Variants in FLRT2 observed in about 807,000 individuals in gnomAD.
The protein encoded by FLRT2 is fibronectin leucine rich transmembrane protein 2, also known as leucine-rich repeat transmembrane protein FLRT2.
A neutral mutation model predicts 40.0 loss-of-function variants in FLRT2; 15 were observed. The ratio of observed to expected loss-of-function variants is 0.38; its 90% CI spans 0.25 to 0.58. The LOEUF (loss-of-function observed/expected upper bound fraction) is 0.58, where lower values mean the gene tolerates loss of function less well. Ranked by LOEUF, FLRT2 falls within the 20% of genes least tolerant of loss-of-function variation. FLRT2 has a pLI of 0.71. For synonymous variants in FLRT2, 380 were observed against 336.8 expected (o/e 1.13, Z -1.41); for missense variants, 726 against 840.0 (o/e 0.86, Z 1.68).
intron 1 of FLRT2, among the ~76,000 whole-genome samples, chr14:85,558,461 A>G (rs1890110067): frequency 6.6e-6 from 1 of 152,218 alleles, no homozygotes; most frequent in Non-Finnish European, 1.5e-5. Flanking sequence ...ATGTTCCTGG[A>G]TAAATGTCGA....
intron 1 of FLRT2, among the ~76,000 whole-genome samples, chr14:85,606,580 G>C (rs576327049): frequency 1.4e-5 from 2 of 144,614 alleles, no homozygotes; most frequent in Non-Finnish European, 3.0e-5. Flanking sequence ...ACTGGAGTGC[G>C]GTGGTGCGAT....
At chr14:85,573,223 A>G (rs950739251) in intron 1 of FLRT2, among the ~76,000 whole-genome samples, 2 of 151,956 alleles carry the variant, frequency 1.3e-5, no homozygotes, top group Admixed American at 1.3e-4. Flanking sequence ...CTGCTAAGAG[A>G]GGGAGACCCT....
intron 1 of FLRT2, among the ~76,000 whole-genome samples, chr14:85,592,551 G>A (rs1891938693): frequency 6.6e-6 from 1 of 152,066 alleles, no homozygotes; most frequent in Non-Finnish European, 1.5e-5. Context: ...CACTTTGGGA[G>A]GCCAAGGTGA....
intron 1 of FLRT2, among the ~76,000 whole-genome samples, chr14:85,597,774 G>C (rs1892207353): frequency 6.6e-6 from 1 of 152,210 alleles, no homozygotes; most frequent in Non-Finnish European, 1.5e-5. Flanking sequence ...CTTGTGAGGA[G>C]TCCAGTCTGT....
intron 1 of FLRT2, among the ~76,000 whole-genome samples, chr14:85,533,881 C>T (rs967916333): frequency 2.6e-5 from 4 of 151,894 alleles, no homozygotes; most frequent in African/African-American, 9.7e-5. Context: ...CAGCCGCCGC[C>T]GTCGCCGCCG....
In FLRT2 at chr14:85,635,485, C is replaced by T. The variant is rs1268663521; in HGVS notation, c.*11988C>T. 1.3e-5 allele frequency: 2 copies of T among 151,614 alleles called. No homozygotes were observed. Among genetic ancestry groups the T allele is most frequent in the East Asian group, 1.9e-4 (1 of 5,184 alleles). 9.4% of individuals were successfully genotyped at this position (151,614 alleles called of 1,614,324 possible). A position where few individuals can be genotyped will look rare whatever the true frequency, so the allele number is the denominator to read the frequency against. On this transcript the variant is annotated 3_prime_UTR_variant, in exon 2 of 2. Transcript: ENST00000330753. ...GTCAAAATTATCAAAGATAGAGTGTCGTACAATAAAAATTGTATAAAAAAT... is the reference window on the plus strand; with the variant it reads ...GTCAAAATTATCAAAGATAGAGTGTTGTACAATAAAAATTGTATAAAAAAT...
At chr14:85,595,011 T>C (rs1312097449) in intron 1 of FLRT2, among the ~76,000 whole-genome samples, 1 of 152,196 alleles carries the variant, frequency 6.6e-6, no homozygotes, top group Non-Finnish European at 1.5e-5. Context: ...ATGATAAAGT[T>C]CTTTATCCTC....
rs1285512228 is a variant in FLRT2 at position 85,643,018 on chromosome 14, G to T, written c.*19521G>T. ...CTGGTGATGCTCCTCTTTTTGAGTT[G>T]TAAACAACTGCCCTCAGAAGGCTCT... is the stretch of plus-strand genomic sequence containing the variant. On this transcript the variant is annotated 3_prime_UTR_variant, in exon 2 of 2. Coordinates refer to ENST00000330753, the MANE Select transcript of FLRT2 (RefSeq NM_013231.6). The T allele has an allele frequency of 2.0e-5, 3 of 152,118 alleles. No individual in the cohort carries two copies. Among genetic ancestry groups the T allele is most frequent in the Non-Finnish European group, 4.4e-5 (3 of 68,026 alleles). The allele number at this position is 152,118 out of a possible 1,614,324, so 9.4% of individuals were successfully genotyped here.
At chr14:85,542,469 T>G (rs1889035136) in intron 1 of FLRT2, among the ~76,000 whole-genome samples, 1 of 152,164 alleles carries the variant, frequency 6.6e-6, no homozygotes, top group African/African-American at 2.4e-5. Flanking sequence ...AGGCTTTTTC[T>G]GTTAAGATCA....
chr14:85,615,357 A>G (rs1376662729), intron 1 of FLRT2, among the ~76,000 whole-genome samples: 4 of 152,216 alleles, frequency 2.6e-5, no homozygotes, highest in Admixed American at 2.6e-4. Context: ...GTATTAGAAT[A>G]TTTTGTGTTT....
rs893034570 is a variant in FLRT2 at position 85,648,298 on chromosome 14, C to T, written c.*24801C>T. On this transcript the variant is annotated 3_prime_UTR_variant, in exon 2 of 2. Transcript: ENST00000330753. Reference sequence around the variant, plus strand: ...ATTTGACATCTATTTTCACATCCTTCTAGGAGTCATCTTGTACTAAAGAAG... The same window carrying T: ...ATTTGACATCTATTTTCACATCCTTTTAGGAGTCATCTTGTACTAAAGAAG... The T allele has an allele frequency of 3.9e-5, 6 of 152,128 alleles. No homozygotes were observed. Among genetic ancestry groups the T allele is most frequent in the African/African-American group, 1.4e-4 (6 of 41,432 alleles). 9.4% of individuals were successfully genotyped at this position (152,128 alleles called of 1,614,324 possible). A position where few individuals can be genotyped will look rare whatever the true frequency, so the allele number is the denominator to read the frequency against.
In FLRT2 at chr14:85,646,373, T is replaced by C. The variant is rs1374929037; in HGVS notation, c.*22876T>C. 1.3e-5 allele frequency: 2 copies of C among 152,206 alleles called. No individual in the cohort carries two copies. Among genetic ancestry groups the C allele is most frequent in the Non-Finnish European group, 2.9e-5 (2 of 68,038 alleles). The allele number at this position is 152,206 out of a possible 1,614,324, so 9.4% of individuals were successfully genotyped here. On this transcript the variant is annotated 3_prime_UTR_variant, in exon 2 of 2. Coordinates refer to ENST00000330753, the MANE Select transcript of FLRT2 (RefSeq NM_013231.6). ...TGTGAGGAAATACCAAAGCTCATGGTAATCTCAGATGTCATTGGACAGAGA... is the reference window on the plus strand; with the variant it reads ...TGTGAGGAAATACCAAAGCTCATGGCAATCTCAGATGTCATTGGACAGAGA...
In FLRT2 at chr14:85,635,184, CT is replaced by C. The variant is rs1423182537; in HGVS notation, c.*11690del. On this transcript the variant is annotated 3_prime_UTR_variant, in exon 2 of 2. Transcript: ENST00000330753. ...GCTACAGAATCACAAAGAACTGTGA[CT>C]TTGTATCTGTGTGATATTATTTAAT... 1 of 152,224 alleles carries C rather than the reference CT, an allele frequency of 6.6e-6. No individual in the cohort carries two copies. Among genetic ancestry groups the C allele is most frequent in the East Asian group, 1.9e-4 (1 of 5,182 alleles). 9.4% of individuals were successfully genotyped at this position (152,224 alleles called of 1,614,324 possible).
In FLRT2 at chr14:85,634,555, A is replaced by T. The variant is rs926591862; in HGVS notation, c.*11058A>T. 6.6e-6 allele frequency: 1 copy of T among 152,318 alleles called. No homozygotes were observed. The highest frequency in any genetic ancestry group is 2.4e-5 in the African/African-American group (1 of 41,572). 9.4% of individuals were successfully genotyped at this position (152,318 alleles called of 1,614,324 possible). A position where few individuals can be genotyped will look rare whatever the true frequency, so the allele number is the denominator to read the frequency against. ...ATAAGACTGTAGCCTATTGGATGGG[A>T]AGTTATATTATGAAAACATGATGAA... On this transcript the variant is annotated 3_prime_UTR_variant, in exon 2 of 2. Transcript: ENST00000330753.
chr14:85,584,516 C>G (rs910311), intron 1 of FLRT2, among the ~76,000 whole-genome samples: 13,777 of 152,204 alleles, frequency 0.091, 858 homozygotes, highest in Non-Finnish European at 0.13. Context: ...CTTAGACATT[C>G]TGCAGTTCTT....
At chr14:85,589,827 TG>T (rs1891800121) in intron 1 of FLRT2, among the ~76,000 whole-genome samples, 1 of 152,314 alleles carries the variant, frequency 6.6e-6, no homozygotes, top group South Asian at 2.1e-4. Context: ...CTTCTGCCTA[TG>T]GATATCAAGT....
intron 1 of FLRT2, among the ~76,000 whole-genome samples, chr14:85,533,211 G>T (rs1426548414): frequency 6.6e-6 from 1 of 152,076 alleles, no homozygotes; most frequent in Non-Finnish European, 1.5e-5. Context: ...GAGCGCGAGG[G>T]ACGGAGGGAG....
At chr14:85,610,795 C>G (rs1892823408) in intron 1 of FLRT2, among the ~76,000 whole-genome samples, 1 of 152,208 alleles carries the variant, frequency 6.6e-6, no homozygotes, top group African/African-American at 2.4e-5. Context: ...ATATTTAAAT[C>G]TACCTGACAC....
chr14:85,579,728 T>A (rs774407230), intron 1 of FLRT2, among the ~76,000 whole-genome samples: 10 of 152,170 alleles, frequency 6.6e-5, no homozygotes, highest in Non-Finnish European at 1.5e-4. Context: ...TAATTTGAAT[T>A]CTTTGTCATT....
Sources: gnomAD v4.1 joint callset for allele counts (sites outside exome capture counted in the v4.1 genomes callset) on GRCh38, gnomAD v4.1.1 for gene constraint, MANE v1.5 for transcripts, NCBI Gene and HGNC (gene_info 2026-07-23, HGNC 2026-07-21) for gene names.